The following ELOVL5 variants were observed in gnomAD, a reference collection of about 807,000 sequenced individuals.
ELOVL5 encodes very long chain fatty acid elongase 5.
A neutral mutation model predicts 38.6 loss-of-function variants in ELOVL5; 8 were observed. That is an observed-to-expected ratio of 0.21 (90% CI 0.12 to 0.37). The LOEUF (loss-of-function observed/expected upper bound fraction) is 0.37, where lower values mean the gene tolerates loss of function less well. Ranked by LOEUF, ELOVL5 falls within the 10% of genes least tolerant of loss-of-function variation. ELOVL5 has a pLI of 1.00. For missense variants in ELOVL5, 280 were observed against 367.8 expected (o/e 0.76, Z 1.95); for synonymous variants, 127 against 133.7 (o/e 0.95, Z 0.34).
At chr6:53,332,811 T>C (rs575240392) in intron 1 of ELOVL5, among the ~76,000 whole-genome samples, 1 of 152,230 alleles carries the variant, frequency 6.6e-6, no homozygotes, top group Non-Finnish European at 1.5e-5. Flanking sequence ...GTTCAAACTG[T>C]ATCATGTAAG....
chr6:53,273,823 G>A (rs984497598), intron 5 of ELOVL5, among the ~76,000 whole-genome samples: 1 of 152,208 alleles, frequency 6.6e-6, no homozygotes, highest in Non-Finnish European at 1.5e-5. Flanking sequence ...CTGCAGTGCT[G>A]AGGTCATACA....
intron 1 of ELOVL5, among the ~76,000 whole-genome samples, chr6:53,319,890 G>A (rs767245816): frequency 6.6e-6 from 1 of 152,014 alleles, no homozygotes; most frequent in South Asian, 2.1e-4. Flanking sequence ...TATTTTCAGA[G>A]TACTCTCATA....
chr6:53,320,749 A>C (rs1429401402), intron 1 of ELOVL5, among the ~76,000 whole-genome samples: 2 of 152,156 alleles, frequency 1.3e-5, no homozygotes, highest in African/African-American at 4.8e-5. Flanking sequence ...CCAATCATAT[A>C]TTGAATTGCA....
intron 1 of ELOVL5, among the ~76,000 whole-genome samples, chr6:53,335,616 C>T (rs1219847708): frequency 6.6e-6 from 1 of 152,096 alleles, no homozygotes; most frequent in Admixed American, 6.6e-5. Context: ...CTATCCTTCC[C>T]CCAGACTCTC....
chr6:53,295,753 T>C, intron 1 of ELOVL5, 46 bp from the exon 2 acceptor site: 2 of 1,176,718 alleles, frequency 1.7e-6, no homozygotes, highest in Non-Finnish European at 2.4e-6. Flanking sequence ...CTCAAAATGT[T>C]TTTTATACAG....
intron 1 of ELOVL5, among the ~76,000 whole-genome samples, chr6:53,324,389 T>C (rs1581980963): frequency 6.6e-6 from 1 of 151,904 alleles, no homozygotes; most frequent in African/African-American, 2.4e-5. Flanking sequence ...GTTAAAAGAA[T>C]TGGGGACCAG....
At chr6:53,333,806 T>C (rs907142031) in intron 1 of ELOVL5, among the ~76,000 whole-genome samples, 10 of 152,216 alleles carry the variant, frequency 6.6e-5, no homozygotes, top group African/African-American at 2.4e-4. Flanking sequence ...CATATCTATA[T>C]AGGATTTAAA....
intron 1 of ELOVL5, among the ~76,000 whole-genome samples, chr6:53,323,880 TAGTC>T (rs1768400959): frequency 6.6e-6 from 1 of 152,270 alleles, no homozygotes; most frequent in South Asian, 2.1e-4. Flanking sequence ...GGCCCAATAT[TAGTC>T]AGTTTCTAAA....
chr6:53,278,921 T>C (rs1015528417), intron 3 of ELOVL5, among the ~76,000 whole-genome samples: 3 of 152,180 alleles, frequency 2.0e-5, no homozygotes, highest in African/African-American at 7.2e-5. Flanking sequence ...GTCCAGGTAT[T>C]TAGTCTTCCA....
chr6:53,272,024 G>GA (rs1765947905), intron 6 of ELOVL5, among the ~76,000 whole-genome samples: 2 of 152,112 alleles, frequency 1.3e-5, no homozygotes, highest in African/African-American at 4.8e-5. Flanking sequence ...AGGTGGGTGA[G>GA]AAAAAATTAA....
At chr6:53,287,051 A>G (rs1201577080) in intron 3 of ELOVL5, among the ~76,000 whole-genome samples, 3 of 152,236 alleles carry the variant, frequency 2.0e-5, no homozygotes, top group African/African-American at 7.2e-5. Flanking sequence ...AATAGTTCCA[A>G]AATTACAATT....
intron 1 of ELOVL5, among the ~76,000 whole-genome samples, chr6:53,321,904 G>A (rs1177435758): frequency 6.6e-6 from 1 of 152,140 alleles, no homozygotes; most frequent in Non-Finnish European, 1.5e-5. Flanking sequence ...ACATAAGCTG[G>A]TATTTGTTAA....
rs2127579044 is a variant in ELOVL5 at position 53,303,801 on chromosome 6, T to C, written c.-8-8094A>G. 1.3e-5 allele frequency among the ~76,000 whole-genome samples: 2 copies of C among 152,348 alleles called. 1 individual carries two copies. The highest frequency in any genetic ancestry group is 4.1e-4 in the South Asian group (2 of 4,828). ...TACTAGTTAATTAAAAAGCACTTTTTAACCATCGCTGGAGAAGGACATCCT... is the reference window on the plus strand; with the variant it reads ...TACTAGTTAATTAAAAAGCACTTTTCAACCATCGCTGGAGAAGGACATCCT... On this transcript the variant is annotated intron_variant, in intron 1 of 7. Coordinates refer to ENST00000304434, the MANE Select transcript of ELOVL5 (RefSeq NM_021814.5).
At chr6:53,279,560 T>C (rs1766278948) in intron 3 of ELOVL5, among the ~76,000 whole-genome samples, 1 of 152,230 alleles carries the variant, frequency 6.6e-6, no homozygotes, top group Admixed American at 6.5e-5. Flanking sequence ...GTACCAGAGA[T>C]GTCAAACAAA....
Position 53,298,907 on chromosome 6 carries a change from G to T in ELOVL5, c.-8-3200C>A, listed in dbSNP as rs367573712. Among the ~76,000 whole-genome samples the T allele has an allele frequency of 3.7e-3, 559 of 149,130 alleles. 19 individuals are homozygous for T. Among genetic ancestry groups the T allele is most frequent in the African/African-American group, 0.013 (523 of 40,168 alleles). ...GAGAAGGTGGGGGCAAGGCGGGGGG[G>T]GGGAGTTGATAATATATCAGGAGAG... On this transcript the variant is annotated intron_variant, in intron 1 of 7. Transcript: ENST00000304434.
rs1007481302 is a variant in ELOVL5 at position 53,322,667 on chromosome 6, C to T, written c.-9+26150G>A. On this transcript the variant is annotated intron_variant, in intron 1 of 7. Coordinates refer to ENST00000304434, the MANE Select transcript of ELOVL5 (RefSeq NM_021814.5). ...CCAACTCCTACCTGGGCATTAAAAT[C>T]CTCACGAGGACAACCAGCCCACTAT... 2.0e-5 allele frequency among the ~76,000 whole-genome samples: 3 copies of T among 152,146 alleles called. No individual in the cohort carries two copies. The East Asian group carries it at 5.8e-4, about 29-fold the overall frequency.
At chr6:53,283,980 C>T (rs1328724073) in intron 3 of ELOVL5, among the ~76,000 whole-genome samples, 1 of 150,232 alleles carries the variant, frequency 6.7e-6, no homozygotes, top group Non-Finnish European at 1.5e-5. Context: ...ACACTGATGG[C>T]AATAATGGTG....
intron 1 of ELOVL5, among the ~76,000 whole-genome samples, chr6:53,340,105 TA>T (rs975157401): frequency 3.2e-4 from 49 of 152,144 alleles, no homozygotes; most frequent in Non-Finnish European, 7.4e-5. Context: ...AGAAATAAAA[TA>T]TTTTTTTTGC....
chr6:53,344,793 T>C (rs566046546), intron 1 of ELOVL5, among the ~76,000 whole-genome samples: 2 of 152,330 alleles, frequency 1.3e-5, no homozygotes, highest in East Asian at 3.9e-4. Context: ...ATTGTGCTAT[T>C]TGCTTTTTGC....
Sources: allele counts gnomAD v4.1 joint callset (sites outside exome capture counted in the v4.1 genomes callset), GRCh38; gene constraint gnomAD v4.1.1; transcripts MANE v1.5; gene names NCBI Gene and HGNC (gene_info 2026-07-23, HGNC 2026-07-21).